ERBB4: variants seen among roughly 807,000 people sequenced by gnomAD.
ERBB4 encodes the protein erb-b2 receptor tyrosine kinase 4.
Under a neutral mutation model 158.0 loss-of-function variants are expected in ERBB4, and 42 were observed. The ratio of observed to expected loss-of-function variants is 0.27; its 90% CI spans 0.21 to 0.34. The LOEUF is 0.34. Among genes scored for constraint, ERBB4 ranks in the 10% least tolerant of loss-of-function variants. The probability of loss-of-function intolerance (pLI) is 1.00; values close to 1 mark genes in which losing one functional copy is unlikely to be tolerated. For synonymous variants in ERBB4, 583 were observed against 558.7 expected (o/e 1.04, Z -0.61); for missense variants, 1,333 against 1,624.1 (o/e 0.82, Z 3.08).
At position 211,993,595 on chromosome 2, in the gene ERBB4, G is replaced by C. The variant is rs543657398; in HGVS notation, c.235-45979C>G. ...AATTGCTATTTTTTTTTTCATCCTA[G>C]ATAAGATATATTTTTCTAATGTACT... On this transcript the variant is annotated intron_variant, in intron 2 of 27. Transcript: ENST00000342788. 6.7e-5 allele frequency among the ~76,000 whole-genome samples: 10 copies of C among 148,602 alleles called. No individual in the cohort carries two copies. In the South Asian group the frequency reaches 1.7e-3, roughly 25 times the overall value.
At chr2:211,765,861 G>A (rs1365636139) in intron 4 of ERBB4, among the ~76,000 whole-genome samples, 2 of 152,026 alleles carry the variant, frequency 1.3e-5, no homozygotes, top group South Asian at 2.1e-4. Flanking sequence ...TGTTTTAAAC[G>A]ACTAGTTTAA....
chr2:211,955,407 G>A (rs2080999878), intron 2 of ERBB4, among the ~76,000 whole-genome samples: 1 of 151,928 alleles, frequency 6.6e-6, no homozygotes, highest in Non-Finnish European at 1.5e-5. Context: ...CTGGCTGGAG[G>A]GTTAATAGTC....
intron 1 of ERBB4, among the ~76,000 whole-genome samples, chr2:212,307,325 AT>A (rs1266350832): frequency 6.6e-6 from 1 of 150,914 alleles, no homozygotes; most frequent in Non-Finnish European, 1.5e-5. Context: ...AAATACAAAT[AT>A]TAGTTCTTGG....
intron 1 of ERBB4, among the ~76,000 whole-genome samples, chr2:212,320,769 A>G (rs1322337185): frequency 6.7e-6 from 1 of 150,040 alleles, no homozygotes; most frequent in Non-Finnish European, 1.5e-5. Context: ...TAGTAACAGG[A>G]GGATCATGAT....
At chr2:212,112,551 A>G (rs2079444652) in intron 2 of ERBB4, among the ~76,000 whole-genome samples, 1 of 152,150 alleles carries the variant, frequency 6.6e-6, no homozygotes, top group Non-Finnish European at 1.5e-5. Context: ...CAGCAGCAAG[A>G]CAAAGTCCAA....
intron 20 of ERBB4, among the ~76,000 whole-genome samples, chr2:211,438,987 T>TGA (rs1169798144): frequency 8.7e-6 from 1 of 115,348 alleles, no homozygotes; most frequent in Non-Finnish European, 1.7e-5. Flanking sequence ...ATAATATATT[T>TGA]GAGTGTGTGT....
intron 7 of ERBB4, among the ~76,000 whole-genome samples, chr2:211,718,239 C>G (rs568706882): frequency 2.6e-4 from 39 of 152,042 alleles, no homozygotes; most frequent in African/African-American, 8.4e-4. Context: ...TAACCCACAT[C>G]TTAAAGAAGA....
At chr2:212,258,846 T>C (rs1436909613) in intron 1 of ERBB4, among the ~76,000 whole-genome samples, 2 of 152,000 alleles carry the variant, frequency 1.3e-5, no homozygotes, top group African/African-American at 2.4e-5. Context: ...AAAGCTTTTG[T>C]ATCTTCCATT....
At chr2:212,210,544 T>C (rs190016661) in intron 1 of ERBB4, among the ~76,000 whole-genome samples, 7 of 152,190 alleles carry the variant, frequency 4.6e-5, no homozygotes, top group Admixed American at 4.6e-4. Context: ...TATCCATCAA[T>C]CAGAGAAATA....
intron 2 of ERBB4, among the ~76,000 whole-genome samples, chr2:211,948,566 G>A (rs2080776341): frequency 1.3e-5 from 2 of 150,852 alleles, no homozygotes; most frequent in South Asian, 4.2e-4. Flanking sequence ...GAGGGTTTGT[G>A]AGACATTTTA....
chr2:212,392,116 G>A (rs1432268538), intron 1 of ERBB4, among the ~76,000 whole-genome samples: 1 of 151,608 alleles, frequency 6.6e-6, no homozygotes, highest in African/African-American at 2.4e-5. Flanking sequence ...AAGAGGGTCT[G>A]TAAAACATAC....
intron 2 of ERBB4, among the ~76,000 whole-genome samples, chr2:212,050,137 A>G (rs772641573): frequency 6.6e-6 from 1 of 152,100 alleles, no homozygotes; most frequent in Non-Finnish European, 1.5e-5. Flanking sequence ...ATGCATCCTC[A>G]TAGTTTCATA....
chr2:211,640,011 C>A (rs986754070), intron 16 of ERBB4, among the ~76,000 whole-genome samples: 1 of 152,148 alleles, frequency 6.6e-6, no homozygotes, highest in Non-Finnish European at 1.5e-5. Context: ...CTGTGAGCCA[C>A]CAAGTCTAGC....
At chr2:212,304,094 A>C (rs2106216300) in intron 1 of ERBB4, among the ~76,000 whole-genome samples, 1 of 151,676 alleles carries the variant, frequency 6.6e-6, no homozygotes, top group Non-Finnish European at 1.5e-5. Context: ...TATACCAGCA[A>C]TTTTGTTGTG....
At chr2:212,004,816 A>AT (rs1357888725) in intron 2 of ERBB4, among the ~76,000 whole-genome samples, 10 of 151,956 alleles carry the variant, frequency 6.6e-5, no homozygotes, top group Non-Finnish European at 1.5e-4. Flanking sequence ...AGCCTAACTT[A>AT]CATATATATA....
At chr2:212,510,511 T>C (rs1691458228) in intron 1 of ERBB4, among the ~76,000 whole-genome samples, 1 of 151,958 alleles carries the variant, frequency 6.6e-6, no homozygotes, top group Non-Finnish European at 1.5e-5. Context: ...AATCCAATGA[T>C]ATGATTTTAC....
chr2:211,584,393 A>C (rs11695852), intron 19 of ERBB4, among the ~76,000 whole-genome samples: 112,561 of 151,818 alleles, frequency 0.74, 43,713 homozygotes, highest in East Asian at 0.89. Flanking sequence ...GAGCAGAATA[A>C]CAATATGTTT....
chr2:212,391,680 A>T (rs1453951551), intron 1 of ERBB4, among the ~76,000 whole-genome samples: 11 of 128,430 alleles, frequency 8.6e-5, no homozygotes, highest in African/African-American at 1.5e-4. Flanking sequence ...TTTTATATAT[A>T]TTATATATAT....
chr2:211,408,002 ATCTC>A (rs1457697326), intron 25 of ERBB4, among the ~76,000 whole-genome samples: 1 of 152,104 alleles, frequency 6.6e-6, no homozygotes, highest in East Asian at 1.9e-4. Context: ...AAAATAGAGC[ATCTC>A]TCTCTCTCAA....
Sources: allele counts gnomAD v4.1 joint callset (sites outside exome capture counted in the v4.1 genomes callset), GRCh38; gene constraint gnomAD v4.1.1; transcripts MANE v1.5; gene names NCBI Gene and HGNC (gene_info 2026-07-23, HGNC 2026-07-21).